Variants in GLB1L3 observed in about 807,000 individuals in gnomAD.
GLB1L3 encodes galactosidase beta 1 like 3.
Under a neutral mutation model 89.5 loss-of-function variants are expected in GLB1L3, and 89 were observed. That is an observed-to-expected ratio of 0.99 (90% CI 0.84 to 1.19). GLB1L3 has a LOEUF of 1.19. Ranked by LOEUF, GLB1L3 falls within the 50% of genes most tolerant of loss-of-function variation. The pLI, the probability that GLB1L3 is intolerant of heterozygous loss-of-function variation, is 0.00. For missense variants in GLB1L3, 812 were observed against 813.3 expected (o/e 1.00, Z 0.02); for synonymous variants, 314 against 312.3 (o/e 1.01, Z -0.06).
intron 11 of GLB1L3, 186 bp from the exon 12 acceptor site, chr11:134,310,385 C>G: frequency 1.7e-6 from 1 of 584,950 alleles, no homozygotes; most frequent in East Asian, 2.8e-5. Flanking sequence ...CACTGGAAGC[C>G]AGTGGAAGGT....
At chr11:134,281,686 C>T (rs1940695235) in intron 4 of GLB1L3, among the ~76,000 whole-genome samples, 1 of 115,396 alleles carries the variant, frequency 8.7e-6, no homozygotes, top group Non-Finnish European at 1.9e-5. Flanking sequence ...GGGCAGAAGA[C>T]CCTGGGAGCC....
At chr11:134,318,234 C>A (rs1426779527) in intron 18 of GLB1L3, among the ~76,000 whole-genome samples, 1 of 152,156 alleles carries the variant, frequency 6.6e-6, no homozygotes, top group Non-Finnish European at 1.5e-5. Context: ...CCATTTTCTT[C>A]TTCTAGATCT....
At chr11:134,323,396 T>TACACAC (rs61583599), downstream of GLB1L3, among the ~76,000 whole-genome samples, 7 of 148,628 alleles carry the variant, frequency 4.7e-5, no homozygotes, top group East Asian at 6.0e-4. Context: ...CACACACACG[T>TACACAC]ACACACACAC....
intron 14 of GLB1L3, 145 bp downstream of exon 14, chr11:134,312,634 GACT>G (rs1377808122): frequency 1.7e-6 from 2 of 1,147,922 alleles, no homozygotes; most frequent in Non-Finnish European, 2.5e-6. Context: ...AGGCCAAATA[GACT>G]TGCTTTCTGC....
chr11:134,292,203 C>T lies in GLB1L3; in HGVS notation c.801C>T (p.His267=), dbSNP rs1372450001. The change falls in exon 8 of 20, where the codon CAC becomes CAT. Residue 267 remains histidine, a synonymous_variant. Coordinates refer to ENST00000431683, the MANE Select transcript of GLB1L3 (RefSeq NM_001080407.3). ...GTGAGAAACATGTGCTGAGTGGCCA[C>T]ACCAAAGGAGGTACACATTTAGAGT... is the stretch of plus-strand genomic sequence containing the variant. ...SDGEKHVLSG[H]TKGVLAAINL... is the part of the protein sequence containing the mutation. The T allele has an allele frequency of 1.9e-6, 3 of 1,611,730 alleles. No homozygotes were observed. Among genetic ancestry groups the T allele is most frequent in the African/African-American group, 2.7e-5 (2 of 74,866 alleles).
intron 14 of GLB1L3, 65 bp downstream of exon 14, chr11:134,312,554 G>T: frequency 6.4e-7 from 1 of 1,572,238 alleles, no homozygotes. Context: ...GTCGGGCAGG[G>T]TAGTTGACTG....
chr11:134,281,904 G>T (rs1388212110), intron 4 of GLB1L3, 121 bp from the exon 5 acceptor site: 1 of 776,472 alleles, frequency 1.3e-6, no homozygotes, highest in Non-Finnish European at 2.0e-6. Context: ...ACGCTTTGGG[G>T]GTGGGGCCGA....
Position 134,314,116 on chromosome 11 carries a change from A to C in GLB1L3, c.1667+88A>C. On this transcript the variant is annotated intron_variant, in intron 17 of 19. Transcript: ENST00000431683. ...CCTCATTGCAGATAAAGAGTCCAAGATAGAGACTGAGTGATGTACTCCAGG... is the reference window on the plus strand; with the variant it reads ...CCTCATTGCAGATAAAGAGTCCAAGCTAGAGACTGAGTGATGTACTCCAGG... 4 of 932,256 alleles carry C rather than the reference A, an allele frequency of 4.3e-6. No homozygotes were observed. The South Asian group carries it at 5.6e-5, about 13-fold the overall frequency. 57.7% of individuals were successfully genotyped at this position (932,256 alleles called of 1,614,324 possible).
intron 10 of GLB1L3, among the ~76,000 whole-genome samples, chr11:134,308,556 T>TCATCACCACCATCACCACCACCAC (rs1942512096): frequency 1.7e-5 from 1 of 57,506 alleles, no homozygotes; most frequent in African/African-American, 9.8e-5. Flanking sequence ...ACCATCACCA[T>TCATCACCACCATCACCACCACCAC]CACCACCACC....
chr11:134,282,352 A>G (rs918203372), intron 5 of GLB1L3, among the ~76,000 whole-genome samples: 3 of 152,122 alleles, frequency 2.0e-5, no homozygotes, highest in African/African-American at 7.2e-5. Context: ...GAAGCTCCAG[A>G]CGTTGGTCCT....
At chr11:134,305,085 C>A in intron 9 of GLB1L3, 1 of 1,547,926 alleles carries the variant, frequency 6.5e-7, no homozygotes, top group Non-Finnish European at 8.7e-7. Context: ...TATCTTTACC[C>A]ATCTTCCTTT....
chr11:134,314,167 T>C, intron 17 of GLB1L3, 139 bp downstream of exon 17: 1 of 743,494 alleles, frequency 1.3e-6, no homozygotes, highest in Non-Finnish European at 2.3e-6. Context: ...GCGTCAGAAC[T>C]AGGGCCCTGG....
At chr11:134,285,645 CGTGGTGAGCACCT>C (rs1451654067) in intron 6 of GLB1L3, among the ~76,000 whole-genome samples, 1 of 151,818 alleles carries the variant, frequency 6.6e-6, no homozygotes, top group East Asian at 1.9e-4. Flanking sequence ...AATTCGAGAG[CGTGGTGAGCACCT>C]GTAGTCCCAA....
intron 15 of GLB1L3, 74 bp downstream of exon 15, chr11:134,312,961 C>CGGCGCCTGGTCCTG: frequency 9.4e-7 from 1 of 1,065,630 alleles, no homozygotes; most frequent in South Asian, 1.3e-5. Context: ...CTGAGACAGT[C>CGGCGCCTGGTCCTG]AGCCTCCCTT....
Position 134,314,433 on chromosome 11 carries a change from A to G in GLB1L3, c.1771A>G (p.Ser591Gly). ...CCCTTCTCCCAAGGACACCTTCCTG[A>G]GCCTGCTGGTAGGTGATGCCCTCTG... ...AGPSPKDTFLSLLNWNYGFVF... is the reference protein window; with the variant it reads ...AGPSPKDTFLGLLNWNYGFVF... The change falls in exon 18 of 20, where the codon AGC becomes GGC. Residue 591 changes from serine to glycine, a missense_variant. By Grantham distance (56) the Ser-to-Gly change is moderately conservative (BLOSUM62 0). Coordinates refer to ENST00000431683, the MANE Select transcript of GLB1L3 (RefSeq NM_001080407.3). 6.5e-7 allele frequency: 1 copy of G among 1,545,536 alleles called. No individual in the cohort carries two copies. Among genetic ancestry groups the G allele is most frequent in the Non-Finnish European group, 8.8e-7 (1 of 1,141,388 alleles).
chr11:134,309,859 T>A, intron 11 of GLB1L3, 96 bp downstream of exon 11: 1 of 1,370,320 alleles, frequency 7.3e-7, no homozygotes, highest in Non-Finnish European at 1.0e-6. Flanking sequence ...ACTGGGTTCT[T>A]GACCTATAAT....
At chr11:134,324,042 T>G (rs1020257658), downstream of GLB1L3, among the ~76,000 whole-genome samples, 1 of 152,256 alleles carries the variant, frequency 6.6e-6, no homozygotes, top group East Asian at 1.9e-4. Flanking sequence ...GCCATGTTTG[T>G]TCTTTCTTTG....
intron 9 of GLB1L3, among the ~76,000 whole-genome samples, chr11:134,297,064 A>G (rs1365831377): frequency 1.3e-5 from 2 of 151,846 alleles, no homozygotes; most frequent in Admixed American, 6.6e-5. Context: ...TTTTACGCCT[A>G]TTAGTTTTTG....
At chr11:134,295,175 A>T (rs1050897141) in intron 9 of GLB1L3, among the ~76,000 whole-genome samples, 1 of 152,238 alleles carries the variant, frequency 6.6e-6, no homozygotes, top group African/African-American at 2.4e-5. Context: ...TCTGGAACAG[A>T]TAGTGTAGAA....
Sources: gnomAD v4.1 joint callset for allele counts (sites outside exome capture counted in the v4.1 genomes callset) on GRCh38, gnomAD v4.1.1 for gene constraint, MANE v1.5 for transcripts, NCBI Gene and HGNC (gene_info 2026-07-23, HGNC 2026-07-21) for gene names.